Variants in IL15 observed in about 807,000 individuals in gnomAD.
IL15 encodes the protein interleukin 15.
IL15 carries 11 observed loss-of-function variants against 19.6 expected under a neutral mutation model. The observed-to-expected ratio is 0.56, with a 90% confidence interval of 0.35 to 0.93. The LOEUF is 0.93. Ranked by LOEUF, IL15 falls within the 40% of genes least tolerant of loss-of-function variation. IL15 has a pLI of 0.01. For synonymous variants in IL15, 58 were observed against 59.6 expected, an observed-to-expected ratio of 0.97 and a Z score of 0.12; for missense variants, 197 against 186.5, an observed-to-expected ratio of 1.06 and a Z score of -0.33.
At chr4:141,710,350 C>T (rs936119020) in intron 2 of IL15, among the ~76,000 whole-genome samples, 2 of 152,136 alleles carry the variant, frequency 1.3e-5, no homozygotes, top group African/African-American at 4.8e-5. Context: ...GTGCATTATC[C>T]ATTATATTGT....
chr4:141,670,156 T>C (rs1457990582), intron 2 of IL15, among the ~76,000 whole-genome samples: 1 of 151,796 alleles, frequency 6.6e-6, no homozygotes, highest in African/African-American at 2.4e-5. Flanking sequence ...AGAAAAATAG[T>C]TTCAGAAAAT....
intron 1 of IL15, among the ~76,000 whole-genome samples, chr4:141,654,393 G>A (rs1282914561): frequency 6.6e-6 from 1 of 152,188 alleles, no homozygotes; most frequent in Non-Finnish European, 1.5e-5. Context: ...GAATTTCATT[G>A]TTCACTACAA....
intron 1 of IL15, among the ~76,000 whole-genome samples, chr4:141,640,804 T>C (rs2152149141): frequency 6.6e-6 from 1 of 152,332 alleles, no homozygotes; most frequent in Middle Eastern, 3.4e-3. Context: ...ACACAGTTGT[T>C]TCTTCTCTAA....
chr4:141,676,568 A>C lies in IL15; in HGVS notation c.-100+20261A>C, dbSNP rs185825961. Among the ~76,000 whole-genome samples the C allele has an allele frequency of 2.0e-5, 3 of 152,326 alleles. No individual in the cohort carries two copies. In the East Asian group the frequency reaches 5.8e-4, roughly 29 times the overall value. On this transcript the variant is annotated intron_variant, in intron 2 of 7. Coordinates refer to ENST00000320650, the MANE Select transcript of IL15 (RefSeq NM_000585.5). ...ATGGAAGGGATTGTCAGTGACATGA[A>C]AGAGAGCCCTGATAGAAAGGACATC...
intron 1 of IL15, among the ~76,000 whole-genome samples, chr4:141,644,261 C>G (rs1265561656): frequency 6.6e-6 from 1 of 151,978 alleles, no homozygotes; most frequent in Non-Finnish European, 1.5e-5. Context: ...GTCCCTGCAT[C>G]TAAAGGATCA....
intron 2 of IL15, among the ~76,000 whole-genome samples, chr4:141,693,422 G>T (rs2152178434): frequency 6.6e-6 from 1 of 152,206 alleles, no homozygotes; most frequent in South Asian, 2.1e-4. Context: ...CAGGAACCAT[G>T]CTCATTCACT....
intron 2 of IL15, chr4:141,718,144 A>T (rs942345533): frequency 2.0e-5 from 3 of 152,162 alleles, no homozygotes; most frequent in Admixed American, 2.0e-4. Flanking sequence ...GTGAAAATCC[A>T]TTGTGACATT....
intron 2 of IL15, among the ~76,000 whole-genome samples, chr4:141,662,950 C>T (rs970181920): frequency 1.3e-5 from 2 of 151,628 alleles, no homozygotes; most frequent in African/African-American, 4.8e-5. Context: ...AACTATTTCC[C>T]AATTTTATTT....
At chr4:141,714,070 C>A (rs937421488) in intron 2 of IL15, among the ~76,000 whole-genome samples, 2 of 151,994 alleles carry the variant, frequency 1.3e-5, no homozygotes, top group African/African-American at 4.8e-5. Context: ...TTTTGTGTGT[C>A]CTCTTCCCTC....
chr4:141,721,809 A>G (rs1006325401), intron 4 of IL15, 115 bp from the exon 5 acceptor site: 5 of 874,190 alleles, frequency 5.7e-6, no homozygotes, highest in East Asian at 2.5e-5. Flanking sequence ...AAGCAAGGAT[A>G]ACACTGATTT....
chr4:141,708,791 G>A (rs1300123502), intron 2 of IL15, among the ~76,000 whole-genome samples: 1 of 152,070 alleles, frequency 6.6e-6, no homozygotes, highest in Non-Finnish European at 1.5e-5. Context: ...AATTATAGAT[G>A]TTTATTCACT....
intron 2 of IL15, chr4:141,718,670 TA>T (rs1453477862): frequency 6.6e-6 from 1 of 152,218 alleles, no homozygotes; most frequent in Non-Finnish European, 1.5e-5. Context: ...TATAATAATT[TA>T]ATTCTTTGTG....
intron 2 of IL15, among the ~76,000 whole-genome samples, chr4:141,671,620 T>C (rs1165778673): frequency 6.6e-6 from 1 of 152,218 alleles, no homozygotes; most frequent in Admixed American, 6.5e-5. Flanking sequence ...GCTTTCATCA[T>C]GCAGTTTCTT....
chr4:141,666,892 C>A (rs1287580563), intron 2 of IL15, among the ~76,000 whole-genome samples: 2 of 152,168 alleles, frequency 1.3e-5, no homozygotes, highest in Non-Finnish European at 2.9e-5. Flanking sequence ...CCCACTCAGC[C>A]TATTCATATT....
intron 2 of IL15, among the ~76,000 whole-genome samples, chr4:141,679,289 T>C (rs1022478961): frequency 6.6e-6 from 1 of 152,240 alleles, no homozygotes; most frequent in Non-Finnish European, 1.5e-5. Context: ...CTTTGCTTAG[T>C]ATCCAAGAGG....
At chr4:141,686,540 C>T (rs1381149384) in intron 2 of IL15, among the ~76,000 whole-genome samples, 4 of 152,120 alleles carry the variant, frequency 2.6e-5, no homozygotes, top group Non-Finnish European at 5.9e-5. Flanking sequence ...TCGTCATTCT[C>T]AGCTTTCTTG....
intron 2 of IL15, among the ~76,000 whole-genome samples, chr4:141,683,766 A>G (rs1728618712): frequency 6.6e-6 from 1 of 152,172 alleles, no homozygotes; most frequent in African/African-American, 2.4e-5. Context: ...TTATTTGAAG[A>G]TGGAGATGAT....
intron 2 of IL15, among the ~76,000 whole-genome samples, chr4:141,714,189 GA>G (rs2152187197): frequency 6.6e-6 from 1 of 152,068 alleles, no homozygotes; most frequent in African/African-American, 2.4e-5. Context: ...AGTAATAGTA[GA>G]AAACTTACAC....
intron 1 of IL15, among the ~76,000 whole-genome samples, chr4:141,644,351 T>G (rs1727150722): frequency 1.3e-5 from 2 of 152,142 alleles, no homozygotes; most frequent in Non-Finnish European, 2.9e-5. Context: ...TTATTTATCG[T>G]GATCTTGTAA....
Sources: allele counts gnomAD v4.1 joint callset (sites outside exome capture counted in the v4.1 genomes callset), GRCh38; gene constraint gnomAD v4.1.1; transcripts MANE v1.5; gene names NCBI Gene and HGNC (gene_info 2026-07-23, HGNC 2026-07-21).